Variants in TERB1 observed in about 807,000 individuals in gnomAD.
The protein encoded by TERB1 is telomere repeat binding bouquet formation protein 1, also known as telomere repeats-binding bouquet formation protein 1.
In TERB1, 63 loss-of-function variants were observed where a neutral mutation model predicts 92.3. The observed-to-expected ratio is 0.68, with a 90% CI of 0.56 to 0.84. TERB1 has a LOEUF of 0.84. TERB1 is among the 40% of genes least tolerant of loss of function. The probability of loss-of-function intolerance (pLI) is 0.00; values close to 1 mark genes in which losing one functional copy is unlikely to be tolerated. For missense variants in TERB1, 709 were observed against 843.7 expected (o/e 0.84, Z 1.98); for synonymous variants, 252 against 283.9 (o/e 0.89, Z 1.13).
intron 16 of TERB1, among the ~76,000 whole-genome samples, chr16:66,761,150 G>T (rs1321988139): frequency 6.8e-6 from 1 of 146,514 alleles, no homozygotes; most frequent in Non-Finnish European, 1.5e-5. Flanking sequence ...AAAGAAAAAA[G>T]AAAATAAAAA....
chr16:66,769,893 G>A (rs2018413814), intron 14 of TERB1, 70 bp downstream of exon 14: 1 of 1,003,050 alleles, frequency 1.0e-6, no homozygotes, highest in Non-Finnish European at 1.5e-6. Flanking sequence ...ATTTAACAGT[G>A]TGGCATACTG....
At chr16:66,779,121 T>A in intron 9 of TERB1, 106 bp from the exon 10 acceptor site, 1 of 848,052 alleles carries the variant, frequency 1.2e-6, no homozygotes, top group Non-Finnish European at 1.6e-6. Flanking sequence ...TCAAATACTT[T>A]CTAAAAATCC....
chr16:66,773,591 C>T (rs768403529), intron 12 of TERB1, among the ~76,000 whole-genome samples: 1 of 152,142 alleles, frequency 6.6e-6, no homozygotes, highest in Non-Finnish European at 1.5e-5. Context: ...CCTTTCTTTT[C>T]ACCTAATTAA....
chr16:66,801,789 T>G (rs1358007876), upstream of TERB1, among the ~76,000 whole-genome samples: 1 of 151,994 alleles, frequency 6.6e-6, no homozygotes, highest in Non-Finnish European at 1.5e-5. Context: ...GTTTTTAGGG[T>G]TTTTACCTCA....
chr16:66,797,163 A>C (rs898895289), intron 2 of TERB1, among the ~76,000 whole-genome samples: 9 of 152,124 alleles, frequency 5.9e-5, no homozygotes, highest in African/African-American at 1.9e-4. Flanking sequence ...GCATTCAACA[A>C]ATTTTATTAA....
At chr16:66,785,683 C>G in intron 9 of TERB1, 103 bp downstream of exon 9, 1 of 1,231,274 alleles carries the variant, frequency 8.1e-7, no homozygotes, top group Non-Finnish European at 1.1e-6. Flanking sequence ...CAAAATAACC[C>G]AAATTACAAG....
chr16:66,777,827 TGAGA>T (rs745319363), intron 10 of TERB1, among the ~76,000 whole-genome samples: 4 of 152,210 alleles, frequency 2.6e-5, no homozygotes, highest in Non-Finnish European at 5.9e-5. Context: ...AAAGCTATGC[TGAGA>T]TGTGACAAAA....
chr16:66,794,978 C>T (rs566608616), intron 3 of TERB1, among the ~76,000 whole-genome samples: 2 of 151,360 alleles, frequency 1.3e-5, no homozygotes, highest in African/African-American at 2.4e-5. Flanking sequence ...TTGGACTTAA[C>T]ATTTTAAACC....
chr16:66,791,836 G>A (rs2018840567), intron 3 of TERB1, among the ~76,000 whole-genome samples: 1 of 152,086 alleles, frequency 6.6e-6, no homozygotes, highest in Admixed American at 6.6e-5. Context: ...GGTTCAGATG[G>A]TTTCATCTGT....
chr16:66,782,975 C>T lies in TERB1; in HGVS notation c.700+2811G>A, dbSNP rs558764794. Among the ~76,000 whole-genome samples the T allele has an allele frequency of 2.3e-4, 35 of 152,234 alleles. No homozygotes were observed. In the South Asian group the frequency reaches 6.8e-3, roughly 30 times the overall value. On this transcript the variant is annotated intron_variant, in intron 9 of 18. Coordinates refer to ENST00000433154, the MANE Select transcript of TERB1 (RefSeq NM_001136505.2). ...TGACCTCCCAGGCTCAAGCAATCCT[C>T]CCAAGTAGCTCAGACTACAGGTGTG...
chr16:66,769,876 G>T, intron 14 of TERB1, 87 bp downstream of exon 14: 1 of 901,324 alleles, frequency 1.1e-6, no homozygotes, highest in Non-Finnish European at 1.7e-6. Context: ...ACTTCTACAT[G>T]CCCAATATTT....
intron 15 of TERB1, 34 bp downstream of exon 15, chr16:66,768,070 T>C: frequency 6.7e-7 from 1 of 1,488,876 alleles, no homozygotes; most frequent in Non-Finnish European, 9.2e-7. Context: ...ATATCTGTTT[T>C]ATTAAAAAAC....
intron 15 of TERB1, 111 bp downstream of exon 15, chr16:66,767,993 G>T: frequency 1.2e-6 from 1 of 838,592 alleles, no homozygotes; most frequent in Admixed American, 2.2e-5. Context: ...CTCCCAAAGT[G>T]CTGGGATTAC....
chr16:66,755,542 A>C (rs2018123557), intron 18 of TERB1, among the ~76,000 whole-genome samples: 1 of 152,224 alleles, frequency 6.6e-6, no homozygotes, highest in African/African-American at 2.4e-5. Flanking sequence ...TGGGAGGCTG[A>C]GGAAGGTGGA....
chr16:66,763,306 A>G (rs2018284030), intron 16 of TERB1, among the ~76,000 whole-genome samples: 1 of 152,118 alleles, frequency 6.6e-6, no homozygotes, highest in South Asian at 2.1e-4. Flanking sequence ...GGTGCTTTTA[A>G]TCTACCAGTT....
chr16:66,788,158 A>G lies in TERB1; in HGVS notation c.400+11T>C. 7.0e-7 allele frequency: 1 copy of G among 1,429,806 alleles called. No homozygotes were observed. Among genetic ancestry groups the G allele is most frequent in the Non-Finnish European group, 9.3e-7 (1 of 1,073,582 alleles). The allele number at this position is 1,429,806 out of a possible 1,614,324, so 88.6% of individuals were successfully genotyped here. A position where few individuals can be genotyped will look rare whatever the true frequency, so the allele number is the denominator to read the frequency against. ...AAGTGTTTTCAAATAGTCATAAGAG[A>G]ATGTACTTACTATTATTTGAAACCA... On this transcript the variant is annotated intron_variant, in intron 6 of 18. Coordinates refer to ENST00000433154, the MANE Select transcript of TERB1 (RefSeq NM_001136505.2).
intron 9 of TERB1, 121 bp from the exon 10 acceptor site, chr16:66,779,136 AT>A: frequency 1.0e-5 from 7 of 682,312 alleles, no homozygotes; most frequent in Non-Finnish European, 1.3e-5. Context: ...AAATCCCAAA[AT>A]TAAAGAACTA....
intron 18 of TERB1, among the ~76,000 whole-genome samples, chr16:66,756,629 T>C (rs1258802803): frequency 1.3e-5 from 2 of 152,208 alleles, no homozygotes; most frequent in Non-Finnish European, 2.9e-5. Context: ...TTTGAACCCA[T>C]AATAATCAGG....
chr16:66,789,266 T>C (rs982990412), intron 5 of TERB1, among the ~76,000 whole-genome samples: 5 of 151,954 alleles, frequency 3.3e-5, no homozygotes, highest in African/African-American at 4.8e-5. Flanking sequence ...ACCTATTATA[T>C]AGCCACAAAA....
Sources: gnomAD v4.1 joint callset for allele counts (sites outside exome capture counted in the v4.1 genomes callset) on GRCh38, gnomAD v4.1.1 for gene constraint, MANE v1.5 for transcripts, NCBI Gene and HGNC (gene_info 2026-07-23, HGNC 2026-07-21) for gene names.